The following CDC40 variants were observed in gnomAD, a reference collection of about 807,000 sequenced individuals.
The protein encoded by CDC40 is pre-mRNA-processing factor 17.
Under a neutral mutation model 80.6 loss-of-function variants are expected in CDC40, and 27 were observed. That is an observed-to-expected ratio of 0.33 (90% CI 0.25 to 0.46). CDC40 has a LOEUF of 0.46. Ranked by LOEUF, CDC40 falls within the 20% of genes least tolerant of loss-of-function variation. CDC40 has a pLI of 1.00. For missense variants in CDC40, 486 were observed against 694.1 expected, an observed-to-expected ratio of 0.70 and a Z score of 3.37; for synonymous variants, 221 against 232.6, an observed-to-expected ratio of 0.95 and a Z score of 0.45.
intron 1 of CDC40, among the ~76,000 whole-genome samples, chr6:110,191,445 A>G (rs973094518): frequency 6.6e-6 from 1 of 152,226 alleles, no homozygotes; most frequent in Non-Finnish European, 1.5e-5. Flanking sequence ...TTGGTTATAC[A>G]TTTGTGTGTG....
intron 9 of CDC40, among the ~76,000 whole-genome samples, chr6:110,215,987 T>C (rs989677878): frequency 6.6e-6 from 1 of 152,176 alleles, no homozygotes; most frequent in Non-Finnish European, 1.5e-5. Flanking sequence ...GGATGAACGA[T>C]GGTGCCATTC....
chr6:110,180,648 T>C lies in CDC40; in HGVS notation c.189+15T>C. The C allele has an allele frequency of 6.3e-7, 1 of 1,594,470 alleles. No homozygotes were observed. Among genetic ancestry groups the C allele is most frequent in the Non-Finnish European group, 8.6e-7 (1 of 1,162,886 alleles). On this transcript the variant is annotated intron_variant, in intron 1 of 14. Coordinates refer to ENST00000307731, the MANE Select transcript of CDC40 (RefSeq NM_015891.3). ...TGGCAGTTAAGGTAAGCACTTTTGCTACTAATGCAGTGTGGGAATTGTTGG... is the reference window on the plus strand; with the variant it reads ...TGGCAGTTAAGGTAAGCACTTTTGCCACTAATGCAGTGTGGGAATTGTTGG...
At chr6:110,224,680 C>T (rs998498855) in intron 12 of CDC40, among the ~76,000 whole-genome samples, 18 of 152,212 alleles carry the variant, frequency 1.2e-4, no homozygotes, top group Admixed American at 7.9e-4. Flanking sequence ...TGACCCACTA[C>T]GCCCAGCCAT....
intron 1 of CDC40, among the ~76,000 whole-genome samples, chr6:110,191,122 C>T (rs1294611808): frequency 6.6e-6 from 1 of 152,156 alleles, no homozygotes; most frequent in East Asian, 1.9e-4. Context: ...TGTTTTGATA[C>T]AGGGGCCATG....
At chr6:110,199,365 G>A (rs1410823308) in intron 2 of CDC40, among the ~76,000 whole-genome samples, 1 of 151,942 alleles carries the variant, frequency 6.6e-6, no homozygotes, top group Non-Finnish European at 1.5e-5. Context: ...GGAGGCAGAG[G>A]CGGGCGGATA....
chr6:110,220,088 G>C (rs943454958), intron 12 of CDC40, among the ~76,000 whole-genome samples: 5 of 152,092 alleles, frequency 3.3e-5, no homozygotes, highest in African/African-American at 1.2e-4. Context: ...CTTTCCAAAG[G>C]ATGTGTATCT....
chr6:110,184,616 T>C (rs969284540), intron 1 of CDC40, among the ~76,000 whole-genome samples: 2 of 152,184 alleles, frequency 1.3e-5, no homozygotes, highest in Non-Finnish European at 2.9e-5. Context: ...TCATTATTTC[T>C]TTTATTTATT....
intron 1 of CDC40, among the ~76,000 whole-genome samples, chr6:110,186,152 A>G (rs993630733): frequency 6.6e-6 from 1 of 152,202 alleles, no homozygotes; most frequent in Non-Finnish European, 1.5e-5. Flanking sequence ...GATGATTCTT[A>G]CATCTCATAT....
intron 1 of CDC40, among the ~76,000 whole-genome samples, chr6:110,184,264 G>A (rs1442173978): frequency 1.3e-5 from 2 of 152,142 alleles, no homozygotes; most frequent in African/African-American, 2.4e-5. Context: ...ATACAGTTTA[G>A]AATTAAGTTG....
chr6:110,184,313 A>G (rs913666162), intron 1 of CDC40, among the ~76,000 whole-genome samples: 2 of 151,906 alleles, frequency 1.3e-5, no homozygotes, highest in African/African-American at 2.4e-5. Flanking sequence ...TTTGTTTGGG[A>G]GTACATTGAG....
At chr6:110,186,502 A>AC (rs1191198635) in intron 1 of CDC40, among the ~76,000 whole-genome samples, 13 of 151,976 alleles carry the variant, frequency 8.6e-5, no homozygotes, top group East Asian at 7.8e-4. Flanking sequence ...ATAAATAAAT[A>AC]AATAAATACA....
chr6:110,190,465 A>T (rs1426011188), intron 1 of CDC40, among the ~76,000 whole-genome samples: 1 of 152,170 alleles, frequency 6.6e-6, no homozygotes, highest in Non-Finnish European at 1.5e-5. Flanking sequence ...TAGAAGTGAG[A>T]TTACTAGAGA....
intron 3 of CDC40, among the ~76,000 whole-genome samples, chr6:110,203,775 C>A (rs1777522322): frequency 6.6e-6 from 1 of 152,076 alleles, no homozygotes. Flanking sequence ...TATGGTATTT[C>A]TCCTGACTTC....
chr6:110,205,795 A>T (rs999414868), intron 3 of CDC40, among the ~76,000 whole-genome samples: 7 of 152,228 alleles, frequency 4.6e-5, no homozygotes, highest in Non-Finnish European at 8.8e-5. Context: ...AACTTTTAAC[A>T]TGGTATGAGC....
At chr6:110,225,366 A>C (rs1777840282) in intron 12 of CDC40, among the ~76,000 whole-genome samples, 2 of 152,168 alleles carry the variant, frequency 1.3e-5, no homozygotes, top group African/African-American at 4.8e-5. Context: ...ATTAAAAATG[A>C]AAAGGCACTT....
intron 1 of CDC40, among the ~76,000 whole-genome samples, chr6:110,183,425 T>C (rs1777225835): frequency 1.3e-5 from 2 of 152,182 alleles, no homozygotes; most frequent in African/African-American, 4.8e-5. Flanking sequence ...GGTGTTTGTC[T>C]AGAGCTCACT....
At chr6:110,214,068 A>G (rs769368100) in intron 8 of CDC40, among the ~76,000 whole-genome samples, 21 of 152,332 alleles carry the variant, frequency 1.4e-4, no homozygotes, top group Non-Finnish European at 2.6e-4. Context: ...TAAATAATTC[A>G]TGGATATTAA....
chr6:110,193,738 G>T (rs1239170024), intron 2 of CDC40, among the ~76,000 whole-genome samples: 9 of 152,160 alleles, frequency 5.9e-5, no homozygotes, highest in Admixed American at 5.9e-4. Flanking sequence ...AAAAGTTCAG[G>T]TAGTGTGCTT....
chr6:110,207,376 TTGGTCC>T (rs1411276860), intron 3 of CDC40, 124 bp from the exon 4 acceptor site: 2 of 578,820 alleles, frequency 3.5e-6, no homozygotes, highest in Non-Finnish European at 6.2e-6. Flanking sequence ...TTGGTCCTGA[TTGGTCC>T]TGAGTTAGAG....
Sources: allele counts gnomAD v4.1 joint callset (sites outside exome capture counted in the v4.1 genomes callset), GRCh38; gene constraint gnomAD v4.1.1; transcripts MANE v1.5; gene names NCBI Gene and HGNC (gene_info 2026-07-23, HGNC 2026-07-21).